PRPF19: variants seen among roughly 807,000 people sequenced by gnomAD.
PRPF19 encodes pre-mRNA processing factor 19.
PRPF19 carries 2 observed loss-of-function variants against 64.2 expected under a neutral mutation model. That is an observed-to-expected ratio of 0.03 (90% CI 0.01 to 0.10). PRPF19 has a LOEUF of 0.10. Among genes scored for constraint, PRPF19 ranks in the 10% least tolerant of loss-of-function variants. The pLI, the probability that PRPF19 is intolerant of heterozygous loss-of-function variation, is 1.00. For synonymous variants in PRPF19, 226 were observed against 251.6 expected (o/e 0.90, Z 0.96); for missense variants, 314 against 650.0 (o/e 0.48, Z 5.62).
chr11:60,899,513 C>G (rs1329133088), intron 10 of PRPF19, among the ~76,000 whole-genome samples: 1 of 152,246 alleles, frequency 6.6e-6, no homozygotes, highest in Non-Finnish European at 1.5e-5. Flanking sequence ...AGCATCAGGG[C>G]TTGTGGAGGC....
intron 10 of PRPF19, 68 bp downstream of exon 10, chr11:60,900,514 G>T: frequency 1.6e-6 from 2 of 1,264,102 alleles, no homozygotes; most frequent in Non-Finnish European, 2.2e-6. Context: ...CACAGAGACA[G>T]CAGCGGGGTG....
intron 15 of PRPF19, among the ~76,000 whole-genome samples, chr11:60,894,104 C>T (rs1199266186): frequency 6.6e-6 from 1 of 152,162 alleles, no homozygotes; most frequent in Non-Finnish European, 1.5e-5. Flanking sequence ...GCCTTGATGT[C>T]GATGGCTGCT....
intron 8 of PRPF19, 24 bp downstream of exon 8, chr11:60,901,271 G>A (rs760400280): frequency 1.2e-6 from 2 of 1,611,388 alleles, no homozygotes; most frequent in South Asian, 1.1e-5. Flanking sequence ...CTGTCTCCAA[G>A]ACAGTGGAGA....
At chr11:60,893,123 T>C (rs1269478716) in intron 15 of PRPF19, among the ~76,000 whole-genome samples, 17 of 152,228 alleles carry the variant, frequency 1.1e-4, no homozygotes, top group Non-Finnish European at 1.5e-5. Flanking sequence ...ACCATCATCA[T>C]GTCACAATGC....
chr11:60,906,218 G>C (rs1280795923), intron 1 of PRPF19, 146 bp downstream of exon 1: 4 of 1,285,098 alleles, frequency 3.1e-6, no homozygotes, highest in Non-Finnish European at 4.1e-6. Flanking sequence ...GACGGGGGGG[G>C]CTCCGGTGCT....
chr11:60,906,407 G>A lies in PRPF19; in HGVS notation c.-25C>T, dbSNP rs1052233367. ...TGGCGCCGTCACCGTGCTCCGAGGC[G>A]CCACACGCCGGGCTCCGGGACTAGC... On this transcript the variant is annotated 5_prime_UTR_variant, in exon 1 of 16. Coordinates refer to ENST00000227524, the MANE Select transcript of PRPF19 (RefSeq NM_014502.5). 3.2e-6 allele frequency: 5 copies of A among 1,560,334 alleles called. No homozygotes were observed. Among genetic ancestry groups the A allele is most frequent in the Non-Finnish European group, 4.3e-6 (5 of 1,155,546 alleles).
intron 10 of PRPF19, among the ~76,000 whole-genome samples, chr11:60,899,750 C>T (rs1352453912): frequency 6.6e-6 from 1 of 152,198 alleles, no homozygotes; most frequent in Non-Finnish European, 1.5e-5. Context: ...CAGTGCATTC[C>T]ACTTTTATGG....
At chr11:60,897,439 T>C (rs2097463742) in intron 15 of PRPF19, 1 of 164,168 alleles carries the variant, frequency 6.1e-6, no homozygotes, top group African/African-American at 2.4e-5. Flanking sequence ...ATATCCCCAT[T>C]ATTAAGTGAT....
chr11:60,890,649 G>T lies in PRPF19; in HGVS notation c.*517C>A. The T allele has an allele frequency of 2.4e-6, 1 of 422,274 alleles. No homozygotes were observed. The highest frequency in any genetic ancestry group is 4.8e-6 in the Non-Finnish European group (1 of 208,504). The allele number at this position is 422,274 out of a possible 1,614,324, so 26.2% of individuals were successfully genotyped here. A position where few individuals can be genotyped will look rare whatever the true frequency, so the allele number is the denominator to read the frequency against. The stretch of plus-strand genomic sequence containing the variant: ...GAAGATGGGCTTCCCGGAAGCCAGT[G>T]TCCCAGTGTGTGCTCCCTCCCCTTG... On this transcript the variant is annotated 3_prime_UTR_variant, in exon 16 of 16. Transcript: ENST00000227524.
chr11:60,903,407 C>T, intron 3 of PRPF19, 52 bp downstream of exon 3: 7 of 1,542,914 alleles, frequency 4.5e-6, no homozygotes, highest in Non-Finnish European at 6.2e-6. Flanking sequence ...CCTAACCCAG[C>T]AATGCATTCT....
chr11:60,906,573 C>T lies in PRPF19; in HGVS notation c.-191G>A. On this transcript the variant is annotated 5_prime_UTR_variant, in exon 1 of 16. It adds an upstream start codon to the 5' untranslated region. Coordinates refer to ENST00000227524, the MANE Select transcript of PRPF19 (RefSeq NM_014502.5). ...CAGCCGCGCGCCACAGCCTTCAGCA[C>T]CTAACGGAAATTGCCCTTTCCCAGA... 1.8e-6 allele frequency: 1 copy of T among 554,322 alleles called. No individual in the cohort carries two copies. Among genetic ancestry groups the T allele is most frequent in the Non-Finnish European group, 3.1e-6 (1 of 321,278 alleles). 34.3% of individuals were successfully genotyped at this position (554,322 alleles called of 1,614,324 possible).
rs1414740629 is a variant in PRPF19 at position 60,891,205 on chromosome 11, T to C, written c.1476A>G (p.Ser492=). The C allele has an allele frequency of 6.2e-7, 1 of 1,612,474 alleles. No individual in the cohort carries two copies. The highest frequency in any genetic ancestry group is 1.1e-5 in the South Asian group (1 of 91,050). ...AFGHHAKFIA[S]TGMDRSLKFY... is the part of the protein sequence containing the mutation. ...ACTTGAGGCTTCTGTCCATGCCTGT[T>C]GAAGCGATGAACTTGGCGTGATGCC... Residue 492 remains serine, a synonymous_variant, in exon 16 of 16, where the codon TCA becomes TCG. Transcript: ENST00000227524.
intron 1 of PRPF19, 58 bp downstream of exon 1, chr11:60,906,306 G>T: frequency 6.5e-7 from 1 of 1,550,354 alleles, no homozygotes; most frequent in Non-Finnish European, 8.7e-7. Context: ...GACCGCACAC[G>T]CTCCCGCGCC....
chr11:60,893,243 G>A (rs530663774), intron 15 of PRPF19, among the ~76,000 whole-genome samples: 1 of 152,248 alleles, frequency 6.6e-6, no homozygotes, highest in East Asian at 1.9e-4. Context: ...TGTAATCCCA[G>A]CACTTTGGGA....
In PRPF19 at chr11:60,903,864, G is replaced by A. The variant is rs752294093; in HGVS notation, c.20-3C>T. Reference sequence around the variant, plus strand: ...GTGCTCCGGCACTTCGTTAGAGACTGTAGAGAAAAGGCTGGTAGTGAGCTT... The same window carrying A: ...GTGCTCCGGCACTTCGTTAGAGACTATAGAGAAAAGGCTGGTAGTGAGCTT... On this transcript the variant is annotated splice_region_variant and splice_polypyrimidine_tract_variant and intron_variant, in intron 1 of 15. Transcript: ENST00000227524. The A allele has an allele frequency of 1.4e-5, 22 of 1,608,048 alleles. No individual in the cohort carries two copies. In the South Asian group the frequency reaches 2.4e-4, roughly 18 times the overall value.
intron 15 of PRPF19, among the ~76,000 whole-genome samples, chr11:60,892,787 T>G (rs530517657): frequency 6.6e-6 from 1 of 152,304 alleles, no homozygotes; most frequent in East Asian, 1.9e-4. Flanking sequence ...CCTGGGAATC[T>G]CAACCAGGGA....
At chr11:60,905,093 T>C (rs1030765166) in intron 1 of PRPF19, among the ~76,000 whole-genome samples, 1 of 152,222 alleles carries the variant, frequency 6.6e-6, no homozygotes, top group Non-Finnish European at 1.5e-5. Context: ...CACATTTCTA[T>C]GTGCCAAGCA....
Position 60,890,601 on chromosome 11 carries a change from G to A in PRPF19, c.*565C>T, listed in dbSNP as rs1291898472. The A allele has an allele frequency of 1.1e-4, 29 of 268,060 alleles. No homozygotes were observed. The highest frequency in any genetic ancestry group is 1.3e-3 in the Middle Eastern group (1 of 770). The allele number at this position is 268,060 out of a possible 1,614,324, so 16.6% of individuals were successfully genotyped here. ...CTGTGCAATTAAAAAAAAAAAAAAA[G>A]GGTAAGAGCTGTGAAAGGAAAGGAA... On this transcript the variant is annotated 3_prime_UTR_variant, in exon 16 of 16. Coordinates refer to ENST00000227524, the MANE Select transcript of PRPF19 (RefSeq NM_014502.5).
intron 15 of PRPF19, among the ~76,000 whole-genome samples, chr11:60,893,426 C>G (rs974436843): frequency 2.0e-5 from 3 of 151,902 alleles, no homozygotes; most frequent in African/African-American, 7.3e-5. Flanking sequence ...ATCACTTGAA[C>G]CCAGGAGGCG....
Sources: allele counts gnomAD v4.1 joint callset (sites outside exome capture counted in the v4.1 genomes callset), GRCh38; gene constraint gnomAD v4.1.1; transcripts MANE v1.5; gene names NCBI Gene and HGNC (gene_info 2026-07-23, HGNC 2026-07-21).